The following VWC2L variants were observed in gnomAD, a reference collection of about 807,000 sequenced individuals.
VWC2L encodes the protein von Willebrand factor C domain containing 2 like, also known as von Willebrand factor C domain-containing protein 2-like.
VWC2L carries 10 observed loss-of-function variants against 21.6 expected under a neutral mutation model. That is an observed-to-expected ratio of 0.46 (90% CI 0.29 to 0.78). The LOEUF (loss-of-function observed/expected upper bound fraction) is 0.78. Ranked by LOEUF, VWC2L falls within the 30% of genes least tolerant of loss-of-function variation. The pLI is 0.10. For synonymous variants in VWC2L, 96 were observed against 94.3 expected (o/e 1.02, Z -0.10); for missense variants, 209 against 277.1 (o/e 0.75, Z 1.74).
At chr2:214,520,800 T>C (rs1330437607) in intron 3 of VWC2L, among the ~76,000 whole-genome samples, 1 of 152,126 alleles carries the variant, frequency 6.6e-6, no homozygotes, top group African/African-American at 2.4e-5. Context: ...TGTAGAACTA[T>C]GGCCAGAAAA....
chr2:214,546,002 T>C (rs533067683), intron 3 of VWC2L, among the ~76,000 whole-genome samples: 2 of 152,314 alleles, frequency 1.3e-5, no homozygotes, highest in African/African-American at 2.4e-5. Flanking sequence ...CAACCTCCTA[T>C]CACCTCCGTC....
In VWC2L at chr2:214,577,707, C is replaced by T. The variant is rs1268344416; in HGVS notation, c.*1887C>T. On this transcript the variant is annotated 3_prime_UTR_variant, in exon 4 of 4. Transcript: ENST00000312504. ...CCTCAGGAAACATATTTTTTTGAGT[C>T]TTGTCAACTGGTTTTTCATTTAAAA... is the stretch of plus-strand genomic sequence containing the variant. 1 of 152,112 alleles carries T rather than the reference C, an allele frequency of 6.6e-6. No homozygotes were observed. The highest frequency in any genetic ancestry group is 1.5e-5 in the Non-Finnish European group (1 of 68,004). 9.4% of individuals were successfully genotyped at this position (152,112 alleles called of 1,614,324 possible).
At chr2:214,506,523 G>C (rs1229619577) in intron 3 of VWC2L, among the ~76,000 whole-genome samples, 2 of 152,080 alleles carry the variant, frequency 1.3e-5, no homozygotes, top group African/African-American at 4.8e-5. Context: ...TCTTTCTGCA[G>C]AGCAATTTAG....
rs565588077 is a variant in VWC2L at position 214,560,575 on chromosome 2, G to A, written c.521-15097G>A. Among the ~76,000 whole-genome samples the A allele has an allele frequency of 8.5e-5, 13 of 152,274 alleles. No homozygotes were observed. In the South Asian group the frequency reaches 1.2e-3, roughly 15 times the overall value. The stretch of plus-strand genomic sequence containing the variant: ...TTTCAAAGATGATACTAAATTAATC[G>A]TCAGAAGTAGAAGGTTTGTTGCTTA... On this transcript the variant is annotated intron_variant, in intron 3 of 3. Transcript: ENST00000312504.
intron 3 of VWC2L, among the ~76,000 whole-genome samples, chr2:214,520,010 T>G (rs13412172): frequency 0.033 from 4,950 of 151,708 alleles, 267 homozygotes; most frequent in African/African-American, 0.11. Context: ...AATTCGGAAA[T>G]TTTAATTTTA....
At chr2:214,554,786 T>G (rs1689850190) in intron 3 of VWC2L, among the ~76,000 whole-genome samples, 1 of 152,134 alleles carries the variant, frequency 6.6e-6, no homozygotes, top group South Asian at 2.1e-4. Context: ...GATACCAAAT[T>G]CCAACCTTAC....
intron 3 of VWC2L, among the ~76,000 whole-genome samples, chr2:214,501,343 G>A (rs1688887448): frequency 6.6e-6 from 1 of 152,154 alleles, no homozygotes; most frequent in African/African-American, 2.4e-5. Flanking sequence ...GGTGGAGTCT[G>A]TGATACTAGT....
intron 2 of VWC2L, among the ~76,000 whole-genome samples, chr2:214,421,912 G>GTTTT (rs1702447793): frequency 4.1e-5 from 1 of 24,248 alleles, no homozygotes; most frequent in African/African-American, 4.0e-4. Flanking sequence ...TTTTTTTTGA[G>GTTTT]ACGGAGTTTC....
intron 2 of VWC2L, among the ~76,000 whole-genome samples, chr2:214,420,073 G>A (rs1702417249): frequency 6.6e-6 from 1 of 151,948 alleles, no homozygotes; most frequent in Admixed American, 6.6e-5. Context: ...AAAGAAATAA[G>A]AAAATTAAGC....
intron 3 of VWC2L, among the ~76,000 whole-genome samples, chr2:214,537,816 G>GT (rs1324116736): frequency 6.6e-6 from 1 of 151,152 alleles, no homozygotes; most frequent in Non-Finnish European, 1.5e-5. Flanking sequence ...ATTCTGCATG[G>GT]ATTTATTAGT....
intron 2 of VWC2L, among the ~76,000 whole-genome samples, chr2:214,422,757 AT>A (rs1189408975): frequency 6.6e-6 from 1 of 152,222 alleles, no homozygotes; most frequent in Non-Finnish European, 1.5e-5. Context: ...CTTTGCAAAG[AT>A]TTAATGACAT....
chr2:214,547,877 TGAA>T (rs1431576031), intron 3 of VWC2L, among the ~76,000 whole-genome samples: 1 of 152,236 alleles, frequency 6.6e-6, no homozygotes, highest in Non-Finnish European at 1.5e-5. Flanking sequence ...CATTTTGTCC[TGAA>T]GAAGCACAGT....
chr2:214,447,565 A>G (rs1384938645), intron 3 of VWC2L, among the ~76,000 whole-genome samples: 1 of 152,114 alleles, frequency 6.6e-6, no homozygotes, highest in Non-Finnish European at 1.5e-5. Flanking sequence ...CCCCACCACC[A>G]TACCCTGAAC....
rs556930564 is a variant in VWC2L at position 214,545,026 on chromosome 2, T to A, written c.521-30646T>A. Among the ~76,000 whole-genome samples, 4 of 152,284 alleles carry A rather than the reference T, an allele frequency of 2.6e-5. No individual in the cohort carries two copies. The East Asian group carries it at 7.7e-4, about 29-fold the overall frequency. On this transcript the variant is annotated intron_variant, in intron 3 of 3. Transcript: ENST00000312504. ...CACTTAAACTACAAAGTCTTTTAGG[T>A]TACTTTGGAAAGCAGTGTCTAAAAT...
At chr2:214,563,642 C>G (rs757203715) in intron 3 of VWC2L, among the ~76,000 whole-genome samples, 1 of 149,896 alleles carries the variant, frequency 6.7e-6, no homozygotes, top group Admixed American at 6.6e-5. Context: ...CATTAACATC[C>G]CTTCATGTTA....
At chr2:214,484,557 G>A (rs756060242) in intron 3 of VWC2L, among the ~76,000 whole-genome samples, 7 of 152,066 alleles carry the variant, frequency 4.6e-5, no homozygotes, top group Admixed American at 4.6e-4. Context: ...GTGATCATAC[G>A]GCAGAACAAT....
At chr2:214,500,379 ATGGTATCATCAACGTTC>A (rs1162501175) in intron 3 of VWC2L, among the ~76,000 whole-genome samples, 2 of 152,204 alleles carry the variant, frequency 1.3e-5, no homozygotes, top group East Asian at 3.9e-4. Flanking sequence ...CAAGGGCTCT[ATGGTATCATCAACGTTC>A]TGGCATCCTA....
chr2:214,474,529 A>G (rs1688477332), intron 3 of VWC2L, among the ~76,000 whole-genome samples: 3 of 152,294 alleles, frequency 2.0e-5, no homozygotes, highest in South Asian at 4.2e-4. Flanking sequence ...ATTTGAGGGG[A>G]AAAATACTTA....
chr2:214,492,184 G>A (rs946721991), intron 3 of VWC2L, among the ~76,000 whole-genome samples: 8 of 152,060 alleles, frequency 5.3e-5, no homozygotes, highest in Non-Finnish European at 1.0e-4. Context: ...GTGTAGTTCT[G>A]GGATGTACCA....
Sources: allele counts gnomAD v4.1 joint callset (sites outside exome capture counted in the v4.1 genomes callset), GRCh38; gene constraint gnomAD v4.1.1; transcripts MANE v1.5; gene names NCBI Gene and HGNC (gene_info 2026-07-23, HGNC 2026-07-21).